Variants in ASIP observed in about 807,000 individuals in gnomAD.
The protein encoded by ASIP is agouti signaling protein.
A neutral mutation model predicts 10.3 loss-of-function variants in ASIP; 11 were observed. The ratio of observed to expected loss-of-function variants is 1.07; its 90% CI spans 0.68 to 1.78. The LOEUF is 1.78. ASIP is among the 40% of genes most tolerant of loss of function. The pLI is 0.00. For missense variants in ASIP, 180 were observed against 169.2 expected, an observed-to-expected ratio of 1.06 and a Z score of -0.35; for synonymous variants, 70 against 70.8, an observed-to-expected ratio of 0.99 and a Z score of 0.06.
At chr20:34,218,807 C>A (rs1272099246) in intron 1 of ASIP, among the ~76,000 whole-genome samples, 2 of 151,942 alleles carry the variant, frequency 1.3e-5, no homozygotes, top group Non-Finnish European at 2.9e-5. Context: ...GGACTGCAGG[C>A]GCCCGCCACC....
intron 1 of ASIP, among the ~76,000 whole-genome samples, chr20:34,223,094 C>G (rs1264775871): frequency 5.3e-5 from 8 of 150,872 alleles, no homozygotes; most frequent in African/African-American, 1.7e-4. Flanking sequence ...CGCCCATCAT[C>G]TGGGATGTGA....
chr20:34,212,247 A>G (rs1366024703), intron 1 of ASIP, among the ~76,000 whole-genome samples: 2 of 152,206 alleles, frequency 1.3e-5, no homozygotes, highest in Non-Finnish European at 2.9e-5. Flanking sequence ...CAAGACTAGT[A>G]AGAAAAATTG....
intron 1 of ASIP, among the ~76,000 whole-genome samples, chr20:34,242,036 C>A (rs1191825509): frequency 1.3e-5 from 2 of 152,066 alleles, no homozygotes; most frequent in African/African-American, 2.4e-5. Flanking sequence ...CATTTTAATG[C>A]CCATTAAAGG....
chr20:34,235,891 A>AAAGGG (rs2035191233), intron 1 of ASIP, among the ~76,000 whole-genome samples: 1 of 97,596 alleles, frequency 1.0e-5, no homozygotes, highest in Non-Finnish European at 2.0e-5. Context: ...GGAAGGAAGG[A>AAAGGG]AGGAAGGAAA....
chr20:34,211,263 G>A (rs1229260505), intron 1 of ASIP, among the ~76,000 whole-genome samples: 1 of 152,162 alleles, frequency 6.6e-6, no homozygotes, highest in Non-Finnish European at 1.5e-5. Context: ...TCAAACTCCT[G>A]ATCTTAAATG....
At chr20:34,255,784 A>G (rs1020572242) in intron 1 of ASIP, among the ~76,000 whole-genome samples, 8 of 152,228 alleles carry the variant, frequency 5.3e-5, no homozygotes, top group African/African-American at 1.7e-4. Flanking sequence ...CTGGTCTAGC[A>G]GTAATGCCAG....
chr20:34,223,615 C>T (rs1362086582), intron 1 of ASIP, among the ~76,000 whole-genome samples: 30 of 143,716 alleles, frequency 2.1e-4, no homozygotes, highest in African/African-American at 7.0e-4. Context: ...GCCCCCCGCC[C>T]GGCCAGCCGC....
intron 1 of ASIP, among the ~76,000 whole-genome samples, chr20:34,258,003 G>C (rs2035602475): frequency 6.6e-6 from 1 of 152,088 alleles, no homozygotes; most frequent in African/African-American, 2.4e-5. Flanking sequence ...AATTAGCTGG[G>C]CGTGGTGGCA....
intron 3 of ASIP, among the ~76,000 whole-genome samples, chr20:34,263,901 C>T (rs1440912005): frequency 2.0e-5 from 3 of 151,930 alleles, no homozygotes; most frequent in Non-Finnish European, 2.9e-5. Flanking sequence ...GAACTCCTGA[C>T]CTCAGGTGAT....
intron 3 of ASIP, among the ~76,000 whole-genome samples, chr20:34,268,564 T>C (rs1228582650): frequency 6.6e-6 from 1 of 151,356 alleles, no homozygotes; most frequent in Non-Finnish European, 1.5e-5. Context: ...TATAAAAACA[T>C]AGAAAATAAA....
chr20:34,250,105 C>T (rs1426093362), intron 1 of ASIP: 1 of 152,242 alleles, frequency 6.6e-6, no homozygotes, highest in Non-Finnish European at 1.5e-5. Flanking sequence ...TTACCAAGAA[C>T]CCCCAGGTCT....
rs542988577 is a variant in ASIP at position 34,214,891 on chromosome 20, A to G, written c.-11+20131A>G. 23 of 1,595,396 alleles carry G rather than the reference A, an allele frequency of 1.4e-5. No individual in the cohort carries two copies. In the East Asian group the frequency reaches 1.8e-4, roughly 12 times the overall value. On this transcript the variant is annotated intron_variant, in intron 1 of 3. Coordinates refer to the ASIP transcript ENST00000568305. ...CAACATCAGTGCCACTTTTGTTTCA[A>G]TAGCTTGTAGTGCCTCTTGAGCATT...
At chr20:34,247,300 CTT>C (rs201908221) in intron 1 of ASIP, among the ~76,000 whole-genome samples, 10 of 120,608 alleles carry the variant, frequency 8.3e-5, no homozygotes, top group Admixed American at 5.1e-4. Flanking sequence ...TTATATGATG[CTT>C]TTTTTTTTTT....
At chr20:34,244,866 A>G (rs1449097917) in intron 1 of ASIP, among the ~76,000 whole-genome samples, 1 of 152,212 alleles carries the variant, frequency 6.6e-6, no homozygotes, top group Admixed American at 6.5e-5. Flanking sequence ...CCACAAATTT[A>G]TTAGATTCAC....
intron 3 of ASIP, among the ~76,000 whole-genome samples, chr20:34,266,700 A>G (rs993842704): frequency 2.0e-5 from 3 of 152,178 alleles, no homozygotes; most frequent in African/African-American, 7.2e-5. Context: ...CAAACAAAAA[A>G]GGCAGATTAT....
At chr20:34,249,478 C>T (rs974897947) in intron 1 of ASIP, among the ~76,000 whole-genome samples, 1 of 152,188 alleles carries the variant, frequency 6.6e-6, no homozygotes, top group Non-Finnish European at 1.5e-5. Context: ...TTCATAACCA[C>T]TGTGTCATAT....
intron 1 of ASIP, among the ~76,000 whole-genome samples, chr20:34,209,642 C>T (rs2034960217): frequency 2.0e-5 from 3 of 152,224 alleles, no homozygotes; most frequent in Admixed American, 6.5e-5. Flanking sequence ...ACAACCCAGC[C>T]GTGTGTGCAT....
At chr20:34,201,588 G>A (rs146832821) in intron 1 of ASIP, among the ~76,000 whole-genome samples, 157 of 152,338 alleles carry the variant, frequency 1.0e-3, no homozygotes, top group African/African-American at 3.7e-3. Context: ...TCTTACTGGA[G>A]AGACAAGAAT....
chr20:34,268,506 T>C (rs1471617756), intron 3 of ASIP, among the ~76,000 whole-genome samples: 1 of 152,020 alleles, frequency 6.6e-6, no homozygotes, highest in African/African-American at 2.4e-5. Flanking sequence ...GCAGATCACT[T>C]TAGCTCAAGA....
Sources: allele counts gnomAD v4.1 joint callset (sites outside exome capture counted in the v4.1 genomes callset), GRCh38; gene constraint gnomAD v4.1.1; transcripts MANE v1.5; gene names NCBI Gene and HGNC (gene_info 2026-07-23, HGNC 2026-07-21).